Variants in PCBP3 observed in about 807,000 individuals in gnomAD.
The protein encoded by PCBP3 is poly(rC)-binding protein 3.
PCBP3 carries 25 observed loss-of-function variants against 52.7 expected under a neutral mutation model. The ratio of observed to expected loss-of-function variants is 0.47; its 90% confidence interval spans 0.35 to 0.66. PCBP3 has a LOEUF of 0.66. Among genes scored for constraint, PCBP3 ranks in the 30% least tolerant of loss-of-function variants. The pLI, the probability that PCBP3 is intolerant of heterozygous loss-of-function variation, is 0.01. For missense variants in PCBP3, 391 were observed against 490.3 expected, an observed-to-expected ratio of 0.80 and a Z score of 1.91; for synonymous variants, 162 against 183.0, an observed-to-expected ratio of 0.89 and a Z score of 0.93.
chr21:45,866,448 G>A (rs2094727740), intron 5 of PCBP3, among the ~76,000 whole-genome samples: 1 of 152,226 alleles, frequency 6.6e-6, no homozygotes, highest in South Asian at 2.1e-4. Context: ...AGAAGGGGCT[G>A]TGGAGAAAAT....
intron 2 of PCBP3, among the ~76,000 whole-genome samples, chr21:45,669,803 G>GTATA (rs1394969213): frequency 0.011 from 618 of 53,918 alleles, 7 homozygotes; most frequent in Non-Finnish European, 0.016. Flanking sequence ...GTGTGTGTGT[G>GTATA]TGTATATATA....
chr21:45,887,344 C>A (rs2095547020), intron 5 of PCBP3, among the ~76,000 whole-genome samples: 1 of 152,242 alleles, frequency 6.6e-6, no homozygotes, highest in Admixed American at 6.5e-5. Context: ...GTGCATGTGG[C>A]ATCTGAGAGC....
At chr21:45,688,468 C>T (rs1288266405) in intron 2 of PCBP3, among the ~76,000 whole-genome samples, 1 of 152,106 alleles carries the variant, frequency 6.6e-6, no homozygotes, top group African/African-American at 2.4e-5. Flanking sequence ...TGAGATACAG[C>T]TAAGGCAGTG....
chr21:45,923,032 G>A lies in PCBP3; in HGVS notation c.717+5403G>A, dbSNP rs117551748. Among the ~76,000 whole-genome samples, 700 of 152,352 alleles carry A rather than the reference G, an allele frequency of 4.6e-3. 8 individuals are homozygous for A. Among genetic ancestry groups the A allele is most frequent in the Non-Finnish European group, 7.0e-3 (474 of 68,034 alleles). ...CACGACCAGATCCTGTGCTGGATGCGGCCCTTCATCCCAGCTGTGCAATCC... is the reference window on the plus strand; with the variant it reads ...CACGACCAGATCCTGTGCTGGATGCAGCCCTTCATCCCAGCTGTGCAATCC... On this transcript the variant is annotated intron_variant, in intron 13 of 17. Transcript: ENST00000681687.
At chr21:45,889,194 C>T (rs565472115) in intron 5 of PCBP3, among the ~76,000 whole-genome samples, 6 of 152,306 alleles carry the variant, frequency 3.9e-5, no homozygotes, top group South Asian at 2.1e-4. Flanking sequence ...CAGGAGCGCT[C>T]ACAGGGGCTT....
intron 2 of PCBP3, chr21:45,673,844 C>T (rs2081312360): frequency 6.6e-6 from 1 of 152,118 alleles, no homozygotes. Context: ...AGGAGAGGTC[C>T]AGTGAGCATG....
chr21:45,692,622 C>G (rs2082550515), intron 2 of PCBP3, among the ~76,000 whole-genome samples: 2 of 152,136 alleles, frequency 1.3e-5, no homozygotes, highest in South Asian at 4.1e-4. Context: ...CCTGAATAGG[C>G]CCATATCTAC....
At chr21:45,819,380 G>T (rs181643712) in intron 4 of PCBP3, among the ~76,000 whole-genome samples, 1 of 152,226 alleles carries the variant, frequency 6.6e-6, no homozygotes, top group African/African-American at 2.4e-5. Flanking sequence ...GAGGGAAAGC[G>T]CTGGTTATGT....
chr21:45,645,518 G>A (rs986038224), intron 1 of PCBP3, among the ~76,000 whole-genome samples: 6 of 152,116 alleles, frequency 3.9e-5, no homozygotes, highest in African/African-American at 1.4e-4. Flanking sequence ...GCTCATGGTG[G>A]GGGAAAACCC....
chr21:45,679,396 C>T (rs2081688038), intron 2 of PCBP3, among the ~76,000 whole-genome samples: 1 of 152,096 alleles, frequency 6.6e-6, no homozygotes, highest in African/African-American at 2.4e-5. Context: ...GCTGGGATTA[C>T]AGGTGTGAGC....
rs2091324697 is a variant in PCBP3 at position 45,788,688 on chromosome 21, G to A, written c.-126+33236G>A. 1.3e-5 allele frequency: 2 copies of A among 152,204 alleles called. No individual in the cohort carries two copies. Among genetic ancestry groups the A allele is most frequent in the South Asian group, 4.1e-4 (2 of 4,826 alleles). 9.4% of individuals were successfully genotyped at this position (152,204 alleles called of 1,614,324 possible). On this transcript the variant is annotated intron_variant, in intron 4 of 17. Transcript: ENST00000681687. This position sits in a 1 kb window ranked among gnomAD's most constrained non-coding sequence, Gnocchi z 4.3. Reference sequence around the variant, plus strand: ...GCCACGAGGGCCCCTCAGAGACGATGCTAACGGCCTCTCAGATGCTGACCT... The same window carrying A: ...GCCACGAGGGCCCCTCAGAGACGATACTAACGGCCTCTCAGATGCTGACCT...
At chr21:45,784,403 T>TG (rs2090911229) in intron 4 of PCBP3, among the ~76,000 whole-genome samples, 4 of 118,384 alleles carry the variant, frequency 3.4e-5, no homozygotes, top group African/African-American at 7.4e-5. Context: ...TACCGCTACC[T>TG]CTACCGCTAC....
intron 4 of PCBP3, among the ~76,000 whole-genome samples, chr21:45,796,591 T>G (rs2091930487): frequency 1.3e-5 from 2 of 152,216 alleles, no homozygotes; most frequent in Non-Finnish European, 2.9e-5. Context: ...TTTTGAAATA[T>G]TTTTCTTTCT....
intron 2 of PCBP3, among the ~76,000 whole-genome samples, chr21:45,690,922 C>A (rs2082424043): frequency 6.6e-6 from 1 of 152,002 alleles, no homozygotes; most frequent in Non-Finnish European, 1.5e-5. Flanking sequence ...GAGAGTAAAC[C>A]ACTCAACCAC....
chr21:45,797,260 C>T (rs1429981046), intron 4 of PCBP3, among the ~76,000 whole-genome samples: 1 of 152,100 alleles, frequency 6.6e-6, no homozygotes, highest in African/African-American at 2.4e-5. Flanking sequence ...TGGATGAATG[C>T]ATGGATGGAC....
intron 4 of PCBP3, among the ~76,000 whole-genome samples, chr21:45,823,695 T>C (rs896995757): frequency 6.6e-6 from 1 of 151,516 alleles, no homozygotes; most frequent in Non-Finnish European, 1.5e-5. Context: ...TCAAAGAGTG[T>C]GGCAAAGGAC....
intron 2 of PCBP3, among the ~76,000 whole-genome samples, chr21:45,698,805 T>G (rs959900692): frequency 2.0e-4 from 30 of 152,350 alleles, no homozygotes; most frequent in African/African-American, 6.7e-4. Flanking sequence ...CTTCTTCATT[T>G]TGATGCAACC....
chr21:45,827,674 A>G lies in PCBP3; in HGVS notation c.-125-22287A>G, dbSNP rs770965305. ...CTGTGATGTATGCAGTTTTATGTAC[A>G]TCAGTTACATCTCAGCCAAGCTGTT... On this transcript the variant is annotated intron_variant, in intron 4 of 17. Coordinates refer to ENST00000681687, the MANE Select transcript of PCBP3 (RefSeq NM_001384156.1). This position sits in a 1 kb window ranked among gnomAD's most constrained non-coding sequence, Gnocchi z 4.3. Among the ~76,000 whole-genome samples, 7 of 152,220 alleles carry G rather than the reference A, an allele frequency of 4.6e-5. No homozygotes were observed. The highest frequency in any genetic ancestry group is 1.0e-4 in the Non-Finnish European group (7 of 68,042).
At chr21:45,896,143 A>G (rs2095820267) in intron 5 of PCBP3, 65 bp from the exon 6 acceptor site, 4 of 1,475,792 alleles carry the variant, frequency 2.7e-6, no homozygotes, top group East Asian at 2.5e-5. Flanking sequence ...GCGGCCCAGG[A>G]CACCCCTGGA....
Sources: allele counts gnomAD v4.1 joint callset (sites outside exome capture counted in the v4.1 genomes callset), GRCh38; gene constraint gnomAD v4.1.1; non-coding constraint Gnocchi (gnomAD v3.1); transcripts MANE v1.5; gene names NCBI Gene and HGNC (gene_info 2026-07-23, HGNC 2026-07-21).